SP3: variants seen among roughly 807,000 people sequenced by gnomAD.
The protein encoded by SP3 is transcription factor Sp3.
In SP3, 10 loss-of-function variants were observed where a neutral mutation model predicts 70.3. The ratio of observed to expected loss-of-function variants is 0.14; its 90% CI spans 0.09 to 0.24. SP3 has a LOEUF of 0.24. Ranked by LOEUF, SP3 falls within the 10% of genes least tolerant of loss-of-function variation. SP3 has a pLI of 1.00. For missense variants in SP3, 825 were observed against 914.6 expected (o/e 0.90, Z 1.26); for synonymous variants, 402 against 333.5 (o/e 1.21, Z -2.24).
At chr2:173,947,596 G>A (rs1690583542) in intron 4 of SP3, among the ~76,000 whole-genome samples, 1 of 152,098 alleles carries the variant, frequency 6.6e-6, no homozygotes, top group Non-Finnish European at 1.5e-5. Context: ...CTTTTCTATA[G>A]ATGCTATTGC....
intron 4 of SP3, among the ~76,000 whole-genome samples, chr2:173,938,286 G>C (rs1690263627): frequency 6.6e-6 from 1 of 151,810 alleles, no homozygotes; most frequent in Non-Finnish European, 1.5e-5. Flanking sequence ...GTGAAACCCT[G>C]TCTCTGCTAA....
intron 4 of SP3, among the ~76,000 whole-genome samples, chr2:173,952,674 A>G (rs562304460): frequency 9.9e-5 from 15 of 151,548 alleles, no homozygotes; most frequent in African/African-American, 3.4e-4. Flanking sequence ...ACCAGTAGAT[A>G]AATAAAATGT....
Position 173,905,513 on chromosome 2 carries a change from A to G in SP3, c.*4428T>C, listed in dbSNP as rs945780038. Among the ~76,000 whole-genome samples the G allele has an allele frequency of 6.6e-6, 1 of 152,224 alleles. No homozygotes were observed. Among genetic ancestry groups the G allele is most frequent in the African/African-American group, 2.4e-5 (1 of 41,454 alleles). ...AATGGGGAAAAGGACTGAAGGAGAT[A>G]GGCCTTCTCAGGATATCATTCTTAA... On this transcript the variant is annotated 3_prime_UTR_variant, in exon 7 of 7. Coordinates refer to ENST00000310015, the MANE Select transcript of SP3 (RefSeq NM_003111.5).
At chr2:173,924,565 G>A (rs918655099) in intron 4 of SP3, among the ~76,000 whole-genome samples, 10 of 152,198 alleles carry the variant, frequency 6.6e-5, no homozygotes, top group African/African-American at 1.9e-4. Context: ...ATTAACTCAT[G>A]TCATGCTCCC....
Position 173,963,982 on chromosome 2 carries a change from C to T in SP3, c.157-99G>A, listed in dbSNP as rs1691179288. On this transcript the variant is annotated intron_variant, in intron 2 of 6. Transcript: ENST00000310015. ...ACAGGAAGTACGACTCGGTCCCCGCCGACTGCGCCCGGGCAAGCGCCAGCC... is the reference window on the plus strand; with the variant it reads ...ACAGGAAGTACGACTCGGTCCCCGCTGACTGCGCCCGGGCAAGCGCCAGCC... 5.2e-6 allele frequency: 4 copies of T among 764,878 alleles called. 1 individual carries two copies. The highest frequency in any genetic ancestry group is 4.0e-5 in the Admixed American group (1 of 24,692). 47.4% of individuals were successfully genotyped at this position (764,878 alleles called of 1,614,324 possible).
intron 4 of SP3, among the ~76,000 whole-genome samples, chr2:173,942,943 A>G (rs1017396977): frequency 2.0e-5 from 3 of 152,220 alleles, no homozygotes; most frequent in South Asian, 2.1e-4. Flanking sequence ...ATTAGGTATT[A>G]TAAGTAACTA....
intron 4 of SP3, among the ~76,000 whole-genome samples, chr2:173,948,721 A>ATTACT (rs2105491012): frequency 6.6e-6 from 1 of 152,286 alleles, no homozygotes; most frequent in East Asian, 1.9e-4. Flanking sequence ...CAAGCCATGT[A>ATTACT]TTACTTTTGT....
chr2:173,924,076 C>G (rs1689840579), intron 4 of SP3, among the ~76,000 whole-genome samples: 1 of 151,974 alleles, frequency 6.6e-6, no homozygotes, highest in African/African-American at 2.4e-5. Flanking sequence ...TATCCCCTTA[C>G]CAAATATAAT....
chr2:173,965,183 G>A lies in SP3; in HGVS notation c.-12C>T, dbSNP rs1286562733. On this transcript the variant is annotated 5_prime_UTR_variant, in exon 1 of 7. Coordinates refer to ENST00000310015, the MANE Select transcript of SP3 (RefSeq NM_003111.5). ...TACGTACCGGTCATAGTGTGTTTAG[G>A]GCACCTCAGGCGGGGCTCCCCGCCG... is the stretch of plus-strand genomic sequence containing the variant. The A allele has an allele frequency of 6.5e-7, 1 of 1,547,114 alleles. No individual in the cohort carries two copies. The highest frequency in any genetic ancestry group is 8.7e-7 in the Non-Finnish European group (1 of 1,145,446).
chr2:173,915,452 T>C (rs1441833898), intron 5 of SP3: 1 of 152,204 alleles, frequency 6.6e-6, no homozygotes, highest in Non-Finnish European at 1.5e-5. Context: ...TCTTGATTAA[T>C]ATCCACACCA....
chr2:173,958,779 A>G (rs993637678), intron 3 of SP3, among the ~76,000 whole-genome samples: 24 of 145,830 alleles, frequency 1.6e-4, no homozygotes, highest in Admixed American at 4.2e-4. Flanking sequence ...ATTACACAAG[A>G]AAAAAAAAAA....
At chr2:173,940,883 T>C (rs189054815) in intron 4 of SP3, among the ~76,000 whole-genome samples, 2 of 152,224 alleles carry the variant, frequency 1.3e-5, no homozygotes, top group East Asian at 1.9e-4. Flanking sequence ...AATCAACATA[T>C]CTGTATCTCT....
intron 6 of SP3, among the ~76,000 whole-genome samples, chr2:173,912,299 T>C (rs147477699): frequency 1.3e-5 from 2 of 152,188 alleles, no homozygotes; most frequent in Non-Finnish European, 1.5e-5. Context: ...ACGTCAGAGA[T>C]AGTTTATTCG....
chr2:173,944,578 A>C (rs895276551), intron 4 of SP3, among the ~76,000 whole-genome samples: 1 of 152,184 alleles, frequency 6.6e-6, no homozygotes, highest in African/African-American at 2.4e-5. Context: ...TAAAATGATG[A>C]GGCAGTTTAG....
Position 173,901,450 on chromosome 2 carries a change from C to T in SP3, c.*8491G>A, listed in dbSNP as rs570111731. On this transcript the variant is annotated 3_prime_UTR_variant, in exon 7 of 7. Coordinates refer to ENST00000310015, the MANE Select transcript of SP3 (RefSeq NM_003111.5). ...GGATTAATTAAGAATGTTTGAAGAT[C>T]AATGCAAAAAATTGCAAATAACCCC... Among the ~76,000 whole-genome samples the T allele has an allele frequency of 6.6e-6, 1 of 151,966 alleles. No individual in the cohort carries two copies. Among genetic ancestry groups the T allele is most frequent in the East Asian group, 1.9e-4 (1 of 5,172 alleles).
At chr2:173,964,217 AGGCGGGGCGGCGCG>A in intron 2 of SP3, 174 bp downstream of exon 2, 1 of 456,170 alleles carries the variant, frequency 2.2e-6, no homozygotes, top group South Asian at 3.2e-5. Context: ...CAGGCGGGCG[AGGCGGGGCGGCGCG>A]GGCGGGGTCG....
intron 4 of SP3, among the ~76,000 whole-genome samples, chr2:173,951,919 C>T (rs926525981): frequency 1.3e-5 from 2 of 152,166 alleles, no homozygotes; most frequent in African/African-American, 4.8e-5. Context: ...CATTAAAATA[C>T]AGTATCAAAA....
chr2:173,965,477 C>T (rs928270112), upstream of SP3: 13 of 344,604 alleles, frequency 3.8e-5, no homozygotes, highest in African/African-American at 1.1e-4. Flanking sequence ...GTCTGCCAGG[C>T]GGCGCGCTTC....
chr2:173,963,095 TCA>T (rs1362124955), intron 3 of SP3: 1 of 152,196 alleles, frequency 6.6e-6, no homozygotes, highest in African/African-American at 2.4e-5. Context: ...ACTGTTATAT[TCA>T]GTTTCAAAAT....
Sources: gnomAD v4.1 joint callset for allele counts (sites outside exome capture counted in the v4.1 genomes callset) on GRCh38, gnomAD v4.1.1 for gene constraint, MANE v1.5 for transcripts, NCBI Gene and HGNC (gene_info 2026-07-23, HGNC 2026-07-21) for gene names.